The following DLGAP4 variants were observed in gnomAD, a reference collection of about 807,000 sequenced individuals.
The protein encoded by DLGAP4 is DLG associated protein 4, also known as disks large-associated protein 4.
DLGAP4 carries 18 observed loss-of-function variants against 86.9 expected under a neutral mutation model. The ratio of observed to expected loss-of-function variants is 0.21; its 90% confidence interval spans 0.14 to 0.31. DLGAP4 has a LOEUF of 0.31. DLGAP4 is among the 10% of genes least tolerant of loss of function. The pLI, the probability that DLGAP4 is intolerant of heterozygous loss-of-function variation, is 1.00. For missense variants in DLGAP4, 1,085 were observed against 1,362.6 expected (o/e 0.80, Z 3.21); for synonymous variants, 548 against 574.3 (o/e 0.95, Z 0.65).
chr20:36,341,514 C>T (rs2065380047), intron 1 of DLGAP4, among the ~76,000 whole-genome samples: 1 of 152,214 alleles, frequency 6.6e-6, no homozygotes, highest in Admixed American at 6.5e-5. Flanking sequence ...CTCCGAAAGC[C>T]TTTGTTCCCG....
chr20:36,496,021 C>A (rs549521345), intron 7 of DLGAP4, among the ~76,000 whole-genome samples: 7 of 152,040 alleles, frequency 4.6e-5, no homozygotes, highest in Non-Finnish European at 1.0e-4. Context: ...TACAGGCATG[C>A]GCCACCACGC....
rs77131346 is a variant in DLGAP4 at position 36,431,157 on chromosome 20, G to A, written c.-72-489G>A. On this transcript the variant is annotated intron_variant, in intron 2 of 12. Coordinates refer to ENST00000339266, the MANE Select transcript of DLGAP4 (RefSeq NM_001365621.2). The surrounding 1 kb of genome is among the most constrained non-coding windows in gnomAD (Gnocchi z 5.1). Reference sequence around the variant, plus strand: ...TCCAGGGCCAGCACAGGGTCCTCCCGTGGGAGGTGGACCCTGCCACAGGGA... The same window carrying A: ...TCCAGGGCCAGCACAGGGTCCTCCCATGGGAGGTGGACCCTGCCACAGGGA... Among the ~76,000 whole-genome samples, 1 of 19,318 alleles carries A rather than the reference G, an allele frequency of 5.2e-5. No homozygotes were observed. The highest frequency in any genetic ancestry group is 8.1e-5 in the African/African-American group (1 of 12,420). 12.7% of individuals were successfully genotyped at this position (19,318 alleles called of 152,430 possible).
rs936769586 is a variant in DLGAP4, at chr20:36,361,623, C to T, written c.-303-5422C>T. Among the ~76,000 whole-genome samples the T allele has an allele frequency of 4.0e-5, 6 of 151,840 alleles. No individual in the cohort carries two copies. The East Asian group carries it at 7.7e-4, about 20-fold the overall frequency. ...GAGATGGTACTGGCCCGGACGGGGG[C>T]GACTCTGGGGGATCAAGGGGAGGGG... On this transcript the variant is annotated intron_variant, in intron 1 of 12. Coordinates refer to ENST00000339266, the MANE Select transcript of DLGAP4 (RefSeq NM_001365621.2).
At chr20:36,323,450 T>C (rs1278967599) in intron 1 of DLGAP4, among the ~76,000 whole-genome samples, 1 of 152,238 alleles carries the variant, frequency 6.6e-6, no homozygotes, top group Non-Finnish European at 1.5e-5. Context: ...TTCTTTTATA[T>C]TGCTGCCTAG....
chr20:36,500,116 C>T lies in DLGAP4; in HGVS notation c.2100-83C>T. 2.1e-6 allele frequency: 3 copies of T among 1,435,938 alleles called. No homozygotes were observed. The highest frequency in any genetic ancestry group is 1.4e-5 in the South Asian group (1 of 70,510). 88.9% of individuals were successfully genotyped at this position (1,435,938 alleles called of 1,614,324 possible). ...ATCCGTTTCTCTGTCTCCCGTGTGTCCGGGTCAAGGCGGCCTCTGGTCTCT... is the reference window on the plus strand; with the variant it reads ...ATCCGTTTCTCTGTCTCCCGTGTGTTCGGGTCAAGGCGGCCTCTGGTCTCT... On this transcript the variant is annotated intron_variant, in intron 9 of 12. Coordinates refer to ENST00000339266, the MANE Select transcript of DLGAP4 (RefSeq NM_001365621.2). This position sits in a 1 kb window ranked among gnomAD's most constrained non-coding sequence, Gnocchi z 4.6.
At chr20:36,435,080 G>T (rs953257477) in intron 3 of DLGAP4, among the ~76,000 whole-genome samples, 1 of 142,596 alleles carries the variant, frequency 7.0e-6, no homozygotes, top group Admixed American at 6.7e-5. Flanking sequence ...CATACTTGTG[G>T]GGGGGGGTTG....
chr20:36,355,801 A>G (rs2030307526), intron 1 of DLGAP4, among the ~76,000 whole-genome samples: 1 of 152,208 alleles, frequency 6.6e-6, no homozygotes, highest in Admixed American at 6.5e-5. Context: ...ATGGGGACAT[A>G]TGTTTTCATT....
intron 7 of DLGAP4, among the ~76,000 whole-genome samples, chr20:36,468,017 G>A (rs1264816731): frequency 3.3e-5 from 5 of 152,218 alleles, no homozygotes; most frequent in Admixed American, 2.0e-4. Context: ...CCAAGGGGCT[G>A]AGCCTTCTTT....
In DLGAP4 at chr20:36,505,042, C is replaced by T. The variant is rs565225747; in HGVS notation, c.2512+4431C>T. 3.8e-4 allele frequency among the ~76,000 whole-genome samples: 57 copies of T among 151,014 alleles called. 1 individual carries two copies. Among genetic ancestry groups the T allele is most frequent in the African/African-American group, 1.4e-3 (57 of 41,060 alleles). On this transcript the variant is annotated intron_variant, in intron 10 of 12. Transcript: ENST00000339266. ...TCGCTCTGTTGCCCAGACTGGAGTG[C>T]CGTGACGTGATCTTGGCTCACTGCA...
At chr20:36,435,521 G>A (rs1281409890) in intron 3 of DLGAP4, among the ~76,000 whole-genome samples, 3 of 152,230 alleles carry the variant, frequency 2.0e-5, no homozygotes, top group African/African-American at 4.8e-5. Context: ...TGGGAAAACT[G>A]AGCCCTTTTT....
intron 1 of DLGAP4, among the ~76,000 whole-genome samples, chr20:36,352,701 G>A (rs1477619481): frequency 6.6e-6 from 1 of 152,152 alleles, no homozygotes; most frequent in Non-Finnish European, 1.5e-5. Flanking sequence ...CAGGTGGACA[G>A]GCCCAGCAGG....
At chr20:36,441,584 T>A (rs1374100012) in intron 5 of DLGAP4, among the ~76,000 whole-genome samples, 1 of 152,198 alleles carries the variant, frequency 6.6e-6, no homozygotes, top group Admixed American at 6.5e-5. Context: ...GCTGTCTTGT[T>A]CCCTGCAGTG....
chr20:36,382,413 G>C (rs1490457045), intron 2 of DLGAP4, among the ~76,000 whole-genome samples: 1 of 151,876 alleles, frequency 6.6e-6, no homozygotes, highest in African/African-American at 2.4e-5. Context: ...GCAGGGTAGA[G>C]ACTGAGTACT....
At chr20:36,504,737 A>G (rs1396572969) in intron 10 of DLGAP4, among the ~76,000 whole-genome samples, 2 of 152,152 alleles carry the variant, frequency 1.3e-5, no homozygotes, top group South Asian at 4.1e-4. Context: ...TGTCATTTTG[A>G]TTTGTATTTC....
At chr20:36,317,349 TTCTC>T (rs1327988788) in intron 1 of DLGAP4, among the ~76,000 whole-genome samples, 2 of 149,486 alleles carry the variant, frequency 1.3e-5, no homozygotes, top group Admixed American at 6.7e-5. Context: ...CTTTCTTTCC[TTCTC>T]TCTTTCTTTC....
intron 7 of DLGAP4, among the ~76,000 whole-genome samples, chr20:36,463,700 G>A (rs914749014): frequency 4.6e-5 from 7 of 152,232 alleles, no homozygotes; most frequent in African/African-American, 1.7e-4. Flanking sequence ...TGCTTGGACA[G>A]TGGCACTTGG....
At chr20:36,467,006 T>TC (rs2147643262) in intron 7 of DLGAP4, among the ~76,000 whole-genome samples, 1 of 140,020 alleles carries the variant, frequency 7.1e-6, no homozygotes, top group African/African-American at 2.8e-5. Context: ...TGTCTCTCTC[T>TC]CTCTCTCTCT....
At chr20:36,440,083 AC>A (rs11477851) in intron 5 of DLGAP4, among the ~76,000 whole-genome samples, 1,856 of 151,944 alleles carry the variant, frequency 0.012, 28 homozygotes, top group African/African-American at 0.043. Flanking sequence ...CTGACCCAGG[AC>A]CCCACACCAC....
intron 1 of DLGAP4, among the ~76,000 whole-genome samples, chr20:36,340,172 T>C (rs6015104): frequency 0.7 from 106,561 of 151,952 alleles, 37,551 homozygotes; most frequent in Middle Eastern, 0.77. Flanking sequence ...GCCCCAAGTA[T>C]GAGTGCGGTA....
Sources: gnomAD v4.1 joint callset for allele counts (sites outside exome capture counted in the v4.1 genomes callset) on GRCh38, gnomAD v4.1.1 for gene constraint, Gnocchi (gnomAD v3.1) non-coding constraint, MANE v1.5 for transcripts, NCBI Gene and HGNC (gene_info 2026-07-23, HGNC 2026-07-21) for gene names.